Variants in ARHGEF4 observed in about 807,000 individuals in gnomAD.
ARHGEF4 encodes the protein APC-stimulated guanine nucleotide exchange factor 1.
Under a neutral mutation model 162.0 loss-of-function variants are expected in ARHGEF4, and 119 were observed. That is an observed-to-expected ratio of 0.73 (90% CI 0.63 to 0.86). The LOEUF is 0.86. ARHGEF4 is among the 40% of genes least tolerant of loss of function. The probability of loss-of-function intolerance (pLI) is 0.00; values close to 1 mark genes in which losing one functional copy is unlikely to be tolerated. For missense variants in ARHGEF4, 2,488 were observed against 2,456.0 expected, an observed-to-expected ratio of 1.01 and a Z score of -0.28; for synonymous variants, 1,014 against 979.9, an observed-to-expected ratio of 1.03 and a Z score of -0.65.
intron 5 of ARHGEF4, among the ~76,000 whole-genome samples, chr2:131,037,698 G>A (rs1363667700): frequency 1.3e-5 from 2 of 152,254 alleles, no homozygotes; most frequent in African/African-American, 4.8e-5. Context: ...AGAAAGCAGG[G>A]GTCAGCCCCA....
intron 3 of ARHGEF4, among the ~76,000 whole-genome samples, chr2:130,940,965 T>C (rs2105133784): frequency 6.6e-6 from 1 of 152,206 alleles, no homozygotes; most frequent in Non-Finnish European, 1.5e-5. Context: ...CGAGGAACTC[T>C]GGGTTCCATG....
chr2:130,926,070 C>CTTTCTTTCTTTCTTTCTTTCTT (rs1559043936), intron 2 of ARHGEF4, among the ~76,000 whole-genome samples: 1 of 141,650 alleles, frequency 7.1e-6, no homozygotes, highest in African/African-American at 2.7e-5. Flanking sequence ...TTCTTTCTTT[C>CTTTCTTTCTTTCTTTCTTTCTT]TTTCTTTGGT....
intron 1 of ARHGEF4, among the ~76,000 whole-genome samples, chr2:130,912,598 C>A (rs12328144): frequency 0.61 from 92,998 of 151,968 alleles, 29,667 homozygotes; most frequent in East Asian, 0.85. Flanking sequence ...TGGGAGGGGC[C>A]GGTGGGGTGA....
intron 4 of ARHGEF4, among the ~76,000 whole-genome samples, chr2:130,992,055 A>C (rs1687025503): frequency 6.6e-6 from 1 of 151,982 alleles, no homozygotes; most frequent in Non-Finnish European, 1.5e-5. Flanking sequence ...ACCAATCGAC[A>C]CTCTGTATCT....
At chr2:130,920,695 C>T (rs575173991) in intron 2 of ARHGEF4, among the ~76,000 whole-genome samples, 82 of 152,296 alleles carry the variant, frequency 5.4e-4, no homozygotes, top group African/African-American at 1.9e-3. Context: ...ATTCCCACTT[C>T]GTATTAAGGA....
chr2:130,940,704 G>T (rs1378134114), intron 3 of ARHGEF4, among the ~76,000 whole-genome samples: 2 of 149,990 alleles, frequency 1.3e-5, no homozygotes, highest in Non-Finnish European at 3.0e-5. Flanking sequence ...GGTGGCGGGC[G>T]CCTGTAGTCC....
At chr2:130,959,091 C>A (rs6430470) in intron 4 of ARHGEF4, among the ~76,000 whole-genome samples, 18 of 151,982 alleles carry the variant, frequency 1.2e-4, no homozygotes, top group African/African-American at 3.4e-4. Context: ...ACAGGCGCAC[C>A]CCACCACACC....
chr2:130,854,775 T>C (rs1681639945), intron 1 of ARHGEF4, among the ~76,000 whole-genome samples: 1 of 152,138 alleles, frequency 6.6e-6, no homozygotes, highest in East Asian at 1.9e-4. Context: ...CACCCCCAGC[T>C]CTGTGTTCTG....
intron 4 of ARHGEF4, chr2:130,964,188 G>A (rs1048877922): frequency 3.0e-6 from 3 of 985,166 alleles, no homozygotes; most frequent in Non-Finnish European, 3.6e-6. Flanking sequence ...GAGGCAACGG[G>A]GGCATGCGCG....
intron 4 of ARHGEF4, among the ~76,000 whole-genome samples, chr2:130,981,387 A>G (rs2105252493): frequency 6.6e-6 from 1 of 152,330 alleles, no homozygotes; most frequent in African/African-American, 2.4e-5. Context: ...TAAAAACTAG[A>G]AGTGAAAATA....
intron 1 of ARHGEF4, among the ~76,000 whole-genome samples, chr2:130,846,090 C>G (rs2104866713): frequency 6.6e-6 from 1 of 152,368 alleles, no homozygotes; most frequent in East Asian, 1.9e-4. Flanking sequence ...AGGCAGCCAT[C>G]TCTCTGCAGG....
chr2:131,039,540 C>T, intron 6 of ARHGEF4: 1 of 1,035,712 alleles, frequency 9.7e-7, no homozygotes, highest in Non-Finnish European at 1.2e-6. Flanking sequence ...GGCGTCCAAG[C>T]TGAGGGCCGT....
At position 130,915,168 on chromosome 2, in the gene ARHGEF4, GGGTTTC is replaced by G; in HGVS notation, c.1224_1229del (p.Phe409_Arg410del). 6.4e-7 allele frequency: 1 copy of G among 1,550,628 alleles called. No homozygotes were observed. ...TCTGCAGGGTCCCTGCAAGCCTGGT[GGGTTTC>G]GCTTGCAAAGGGCCTCTCAGGACAC... On this transcript the variant is annotated inframe_deletion, in exon 2 of 14. Transcript: ENST00000409359.
chr2:130,897,644 C>A (rs151042025), intron 1 of ARHGEF4, among the ~76,000 whole-genome samples: 4 of 152,260 alleles, frequency 2.6e-5, no homozygotes, highest in African/African-American at 7.2e-5. Context: ...CACTACTTGC[C>A]GGCATTTTAC....
chr2:130,898,378 C>T (rs1680291311), intron 1 of ARHGEF4, among the ~76,000 whole-genome samples: 1 of 152,236 alleles, frequency 6.6e-6, no homozygotes, highest in Non-Finnish European at 1.5e-5. Flanking sequence ...GGTTATGTCG[C>T]TTCTCCAGGT....
At chr2:130,884,649 A>G (rs1028166582) in intron 1 of ARHGEF4, among the ~76,000 whole-genome samples, 2 of 152,136 alleles carry the variant, frequency 1.3e-5, no homozygotes, top group Non-Finnish European at 2.9e-5. Context: ...TGGACGAAGT[A>G]AAACATTTAG....
intron 4 of ARHGEF4, among the ~76,000 whole-genome samples, chr2:130,995,436 A>G (rs1002444750): frequency 5.3e-5 from 8 of 152,116 alleles, no homozygotes; most frequent in Non-Finnish European, 7.3e-5. Flanking sequence ...CCGCGAGTAT[A>G]TTAGTGCTAA....
rs1026700354 is a variant in ARHGEF4, at chr2:131,047,080, C to G, written c.*891C>G. On this transcript the variant is annotated 3_prime_UTR_variant, in exon 14 of 14. Coordinates refer to ENST00000409359, the MANE Select transcript of ARHGEF4 (RefSeq NM_001367493.1). ...CAGGACTGACCCACAGCCCAGGCAG[C>G]GGGTGTGTGGAGATGGCGCCCTGTC... The G allele has an allele frequency of 6.6e-6, 1 of 152,608 alleles. No homozygotes were observed. The highest frequency in any genetic ancestry group is 2.1e-4 in the South Asian group (1 of 4,828). 9.5% of individuals were successfully genotyped at this position (152,608 alleles called of 1,614,324 possible).
At chr2:131,008,764 A>G (rs1688280029) in intron 4 of ARHGEF4, among the ~76,000 whole-genome samples, 1 of 152,272 alleles carries the variant, frequency 6.6e-6, no homozygotes, top group South Asian at 2.1e-4. Context: ...ATAGTCTACT[A>G]AAAGTAATAT....
Sources: gnomAD v4.1 joint callset for allele counts (sites outside exome capture counted in the v4.1 genomes callset) on GRCh38, gnomAD v4.1.1 for gene constraint, MANE v1.5 for transcripts, NCBI Gene and HGNC (gene_info 2026-07-23, HGNC 2026-07-21) for gene names.